Variants in GRM8 observed in about 807,000 individuals in gnomAD.
The protein encoded by GRM8 is metabotropic glutamate receptor 8.
In GRM8, 47 loss-of-function variants were observed where a neutral mutation model predicts 87.2. That is an observed-to-expected ratio of 0.54 (90% CI 0.43 to 0.69). GRM8 has a LOEUF of 0.69. Among genes scored for constraint, GRM8 ranks in the 30% least tolerant of loss-of-function variants. The pLI, the probability that GRM8 is intolerant of heterozygous loss-of-function variation, is 0.00. For synonymous variants in GRM8, 396 were observed against 404.5 expected, an observed-to-expected ratio of 0.98 and a Z score of 0.25; for missense variants, 1,019 against 1,139.2, an observed-to-expected ratio of 0.89 and a Z score of 1.52.
chr7:126,534,865 A>AT (rs1324818445), intron 8 of GRM8, among the ~76,000 whole-genome samples: 2 of 152,160 alleles, frequency 1.3e-5, no homozygotes, highest in Admixed American at 6.5e-5. Flanking sequence ...GAAGTGAGTA[A>AT]TTTTTTCACT....
chr7:126,588,117 T>A (rs184954458), intron 8 of GRM8, among the ~76,000 whole-genome samples: 3 of 152,256 alleles, frequency 2.0e-5, no homozygotes, highest in Admixed American at 6.5e-5. Context: ...ATAACCTGAA[T>A]GTAAAAAAAC....
intron 3 of GRM8, among the ~76,000 whole-genome samples, chr7:126,971,397 G>T (rs1810417624): frequency 6.6e-6 from 1 of 152,128 alleles, no homozygotes; most frequent in Non-Finnish European, 1.5e-5. Context: ...ATTAGGCTTT[G>T]CTAACTGCCT....
At chr7:126,601,223 T>C (rs1395114257) in intron 8 of GRM8, among the ~76,000 whole-genome samples, 2 of 152,014 alleles carry the variant, frequency 1.3e-5, no homozygotes, top group African/African-American at 4.8e-5. Flanking sequence ...AGAATGATGA[T>C]TTCCAATTTC....
chr7:126,483,949 T>C (rs1464420685), intron 9 of GRM8, among the ~76,000 whole-genome samples: 1 of 152,022 alleles, frequency 6.6e-6, no homozygotes, highest in Non-Finnish European at 1.5e-5. Flanking sequence ...TTTCTGTATT[T>C]CCAAAACCCT....
chr7:126,940,535 C>T (rs138808985), intron 3 of GRM8, among the ~76,000 whole-genome samples: 94 of 152,296 alleles, frequency 6.2e-4, no homozygotes, highest in African/African-American at 1.8e-3. Flanking sequence ...AGGTCCAACT[C>T]ACACTGCTCA....
At chr7:126,911,212 C>T (rs1383159439) in intron 3 of GRM8, among the ~76,000 whole-genome samples, 1 of 152,168 alleles carries the variant, frequency 6.6e-6, no homozygotes, top group Non-Finnish European at 1.5e-5. Flanking sequence ...GTGATACTTG[C>T]TCACTTGCCT....
intron 6 of GRM8, among the ~76,000 whole-genome samples, chr7:126,829,007 A>T (rs1795088676): frequency 6.6e-6 from 1 of 151,836 alleles, no homozygotes; most frequent in Non-Finnish European, 1.5e-5. Context: ...TGTAGTTGAG[A>T]GGTTTTGAGT....
intron 6 of GRM8, among the ~76,000 whole-genome samples, chr7:126,827,128 A>G (rs944547575): frequency 6.6e-6 from 1 of 152,160 alleles, no homozygotes; most frequent in African/African-American, 2.4e-5. Context: ...GCCTTGTAGT[A>G]TAGTTTGAAG....
intron 8 of GRM8, among the ~76,000 whole-genome samples, chr7:126,553,023 G>C (rs1213692380): frequency 2.6e-5 from 4 of 152,020 alleles, no homozygotes; most frequent in Non-Finnish European, 5.9e-5. Context: ...ACCTAGAACA[G>C]GGTAGGCATA....
intron 2 of GRM8, among the ~76,000 whole-genome samples, chr7:127,126,662 T>A (rs939009868): frequency 5.9e-5 from 9 of 151,806 alleles, no homozygotes; most frequent in African/African-American, 2.2e-4. Flanking sequence ...AAAACTTAAG[T>A]GAAAATTTTC....
At chr7:126,929,769 G>A (rs1805544340) in intron 3 of GRM8, among the ~76,000 whole-genome samples, 1 of 24,654 alleles carries the variant, frequency 4.1e-5, no homozygotes, top group African/African-American at 2.7e-4. Flanking sequence ...TGAGGCTAGT[G>A]TCTATCCTTT....
chr7:127,179,092 T>C (rs1008620306), intron 2 of GRM8, among the ~76,000 whole-genome samples: 16 of 152,002 alleles, frequency 1.1e-4, no homozygotes, highest in African/African-American at 3.9e-4. Flanking sequence ...AACTCACCAA[T>C]CATCTGCTGC....
At chr7:127,153,843 G>A (rs1792555205) in intron 2 of GRM8, among the ~76,000 whole-genome samples, 1 of 152,032 alleles carries the variant, frequency 6.6e-6, no homozygotes, top group Non-Finnish European at 1.5e-5. Flanking sequence ...CTTCTTTTAG[G>A]TTTGCAAAAC....
intron 7 of GRM8, among the ~76,000 whole-genome samples, chr7:126,622,964 A>G (rs956331485): frequency 1.3e-5 from 2 of 152,182 alleles, no homozygotes; most frequent in Non-Finnish European, 2.9e-5. Flanking sequence ...TTATTGTTTG[A>G]TAATTATCTC....
At chr7:127,172,746 T>A (rs1395242938) in intron 2 of GRM8, among the ~76,000 whole-genome samples, 2 of 152,024 alleles carry the variant, frequency 1.3e-5, no homozygotes, top group Admixed American at 1.3e-4. Context: ...ATTTCCTTTA[T>A]GGCCATTATT....
In GRM8 at chr7:126,438,885, T is replaced by G. The variant is rs78081771; in HGVS notation, c.*234A>C. 1.4e-3 allele frequency: 590 copies of G among 421,564 alleles called. No homozygotes were observed. The highest frequency in any genetic ancestry group is 0.011 in the African/African-American group (528 of 49,298). The allele number at this position is 421,564 out of a possible 1,614,324, so 26.1% of individuals were successfully genotyped here. On this transcript the variant is annotated 3_prime_UTR_variant, in exon 11 of 11. Coordinates refer to ENST00000339582, the MANE Select transcript of GRM8 (RefSeq NM_000845.3). ...TTTTGTGATTTGTTTTAACTGCTCA[T>G]GAATAAGCAATACTTTAGCTTGACA...
rs1427715020 is a variant in GRM8, at chr7:127,014,987, GGAAGAAGAAGAAGAAA to G, written c.727+91493_727+91508del. Among the ~76,000 whole-genome samples, 69 of 98,556 alleles carry G rather than the reference GGAAGAAGAAGAAGAAA, an allele frequency of 7.0e-4. 1 individual carries two copies. The highest frequency in any genetic ancestry group is 2.7e-3 in the African/African-American group (68 of 25,052). 64.7% of individuals were successfully genotyped at this position (98,556 alleles called of 152,430 possible). A position where few individuals can be genotyped will look rare whatever the true frequency, so the allele number is the denominator to read the frequency against. ...AAGAAGAGGAAGAAGAAGGAGAAGAGGAAGAAGAAGAAGAAAGAAGAAGAAGAAGAAGAAGAAGAAG... is the reference window on the plus strand; with the variant it reads ...AAGAAGAGGAAGAAGAAGGAGAAGAGGAAGAAGAAGAAGAAGAAGAAGAAG... On this transcript the variant is annotated intron_variant, in intron 3 of 10. Transcript: ENST00000339582.
chr7:126,680,904 G>A (rs1373449122), intron 7 of GRM8, among the ~76,000 whole-genome samples: 6 of 152,160 alleles, frequency 3.9e-5, no homozygotes, highest in Non-Finnish European at 8.8e-5. Context: ...TCCCTTGTTA[G>A]TTGCTGTTCA....
Position 126,613,741 on chromosome 7 carries a change from G to A in GRM8, c.1358-4243C>T, listed in dbSNP as rs142729640. On this transcript the variant is annotated intron_variant, in intron 7 of 10. Coordinates refer to ENST00000339582, the MANE Select transcript of GRM8 (RefSeq NM_000845.3). ...CACCAGGAGATTATATCCCACACCT[G>A]GCTCAGAGGGTCCCATGCCCACGGA... Among the ~76,000 whole-genome samples the A allele has an allele frequency of 6.9e-3, 1,056 of 152,296 alleles. 11 individuals carry two copies. Among genetic ancestry groups the A allele is most frequent in the African/African-American group, 0.024 (1,010 of 41,566 alleles).
Sources: gnomAD v4.1 joint callset for allele counts (sites outside exome capture counted in the v4.1 genomes callset) on GRCh38, gnomAD v4.1.1 for gene constraint, MANE v1.5 for transcripts, NCBI Gene and HGNC (gene_info 2026-07-23, HGNC 2026-07-21) for gene names.